Variants in SEPTIN9 observed in about 807,000 individuals in gnomAD.
SEPTIN9 encodes the protein septin-9.
In SEPTIN9, 13 loss-of-function variants were observed where a neutral mutation model predicts 56.6. That is an observed-to-expected ratio of 0.23 (90% CI 0.15 to 0.37). The LOEUF is 0.37. Ranked by LOEUF, SEPTIN9 falls within the 10% of genes least tolerant of loss-of-function variation. The pLI is 1.00. For missense variants in SEPTIN9, 650 were observed against 823.1 expected (o/e 0.79, Z 2.57); for synonymous variants, 332 against 334.1 (o/e 0.99, Z 0.07).
chr17:77,338,178 C>G (rs1307452657), intron 2 of SEPTIN9, among the ~76,000 whole-genome samples: 1 of 151,590 alleles, frequency 6.6e-6, no homozygotes, highest in East Asian at 1.9e-4. Flanking sequence ...GACTGGGTGA[C>G]AGGGCGAGAC....
chr17:77,390,222 C>A (rs1253894607), intron 2 of SEPTIN9, among the ~76,000 whole-genome samples: 2 of 151,554 alleles, frequency 1.3e-5, no homozygotes, highest in Non-Finnish European at 2.9e-5. Context: ...AGGCAGGCGC[C>A]CGTAGTCCCA....
chr17:77,314,344 T>G (rs1479123038), intron 2 of SEPTIN9, among the ~76,000 whole-genome samples: 1 of 27,624 alleles, frequency 3.6e-5, no homozygotes, highest in Admixed American at 5.7e-4. Flanking sequence ...GCCTGGACTT[T>G]TTTTTTTTTT....
In SEPTIN9 at chr17:77,433,430, G is replaced by GT. The variant is rs1485768299; in HGVS notation, c.721+30728dup. ...GCCAACAGGGTCTGCTTAGGTGTCC[G>GT]TCCTGTTGGGGCAGCAGGGAAGGGA... On this transcript the variant is annotated intron_variant, in intron 3 of 11. Coordinates refer to ENST00000427177, the MANE Select transcript of SEPTIN9 (RefSeq NM_001113491.2). This position sits in a 1 kb window ranked among gnomAD's most constrained non-coding sequence, Gnocchi z 6.4. Among the ~76,000 whole-genome samples the GT allele has an allele frequency of 6.6e-6, 1 of 152,066 alleles. No homozygotes were observed. Among genetic ancestry groups the GT allele is most frequent in the Non-Finnish European group, 1.5e-5 (1 of 68,000 alleles).
At chr17:77,417,926 G>A (rs73375333) in intron 3 of SEPTIN9, among the ~76,000 whole-genome samples, 20 of 152,200 alleles carry the variant, frequency 1.3e-4, no homozygotes, top group Non-Finnish European at 2.2e-4. Flanking sequence ...GTCATGTGCC[G>A]TATCCGTGGG....
chr17:77,480,606 G>T (rs1009626055), intron 3 of SEPTIN9, among the ~76,000 whole-genome samples: 2 of 152,216 alleles, frequency 1.3e-5, no homozygotes, highest in East Asian at 1.9e-4. Flanking sequence ...CTGCTCACTT[G>T]CCTGTCACGG....
intron 1 of SEPTIN9, among the ~76,000 whole-genome samples, chr17:77,304,881 C>G (rs188952260): frequency 6.6e-6 from 1 of 152,110 alleles, no homozygotes; most frequent in Non-Finnish European, 1.5e-5. Context: ...TCATGGCCAT[C>G]GTGGAAGTGA....
chr17:77,404,018 T>A (rs892961), intron 3 of SEPTIN9, among the ~76,000 whole-genome samples: 62,813 of 151,958 alleles, frequency 0.41, 13,532 homozygotes, highest in African/African-American at 0.51. Context: ...ACCTTGTGTG[T>A]GTGGAAAAAT....
Position 77,488,707 on chromosome 17 carries a change from C to G in SEPTIN9, c.1125-20C>G. The G allele has an allele frequency of 1.9e-6, 3 of 1,613,332 alleles. No homozygotes were observed. Among genetic ancestry groups the G allele is most frequent in the African/African-American group, 2.7e-5 (2 of 75,030 alleles). ...AGGGCATCTCATGTGCCTGCTGACT[C>G]GTCCCCATCCCCCACGCAGCTGGCA... On this transcript the variant is annotated intron_variant, in intron 6 of 11. Coordinates refer to ENST00000427177, the MANE Select transcript of SEPTIN9 (RefSeq NM_001113491.2).
At chr17:77,441,094 C>T (rs1226772401) in intron 3 of SEPTIN9, among the ~76,000 whole-genome samples, 5 of 152,144 alleles carry the variant, frequency 3.3e-5, no homozygotes, top group Admixed American at 2.6e-4. Context: ...GTGCTGGGCT[C>T]CTGGTTCTGG....
At position 77,405,334 on chromosome 17, in the gene SEPTIN9, CA is replaced by C. The variant is rs2036030039; in HGVS notation, c.721+2632del. On this transcript the variant is annotated intron_variant, in intron 3 of 11. Coordinates refer to ENST00000427177, the MANE Select transcript of SEPTIN9 (RefSeq NM_001113491.2). This position sits in a 1 kb window ranked among gnomAD's most constrained non-coding sequence, Gnocchi z 5.8. ...AGGAGTGTCCAGGGAGCTTCCCCAG[CA>C]GTGGAAGTACAATTTCATCAGGCCA... Among the ~76,000 whole-genome samples the C allele has an allele frequency of 6.6e-6, 1 of 152,152 alleles. No homozygotes were observed. The highest frequency in any genetic ancestry group is 2.1e-4 in the South Asian group (1 of 4,832).
chr17:77,475,359 A>G lies in SEPTIN9; in HGVS notation c.722-6785A>G. ...CCAGGATTCAGCAGGGATCTGAAGG[A>G]CTTTGCAGGCACCCAGGGAGATAGG... On this transcript the variant is annotated intron_variant, in intron 3 of 11. Coordinates refer to ENST00000427177, the MANE Select transcript of SEPTIN9 (RefSeq NM_001113491.2). This position sits in a 1 kb window ranked among gnomAD's most constrained non-coding sequence, Gnocchi z 4.6. 3 of 1,436,242 alleles carry G rather than the reference A, an allele frequency of 2.1e-6. No homozygotes were observed. Among genetic ancestry groups the G allele is most frequent in the Non-Finnish European group, 2.7e-6 (3 of 1,101,118 alleles). 89.0% of individuals were successfully genotyped at this position (1,436,242 alleles called of 1,614,324 possible). A position where few individuals can be genotyped will look rare whatever the true frequency, so the allele number is the denominator to read the frequency against.
chr17:77,442,557 AG>A (rs1262684885), intron 3 of SEPTIN9, among the ~76,000 whole-genome samples: 2 of 149,158 alleles, frequency 1.3e-5, no homozygotes, highest in African/African-American at 4.9e-5. Flanking sequence ...CTATCTTAAT[AG>A]GAAAAAAGGA....
At chr17:77,324,402 T>A (rs2033055311) in intron 2 of SEPTIN9, among the ~76,000 whole-genome samples, 1 of 152,100 alleles carries the variant, frequency 6.6e-6, no homozygotes, top group Admixed American at 6.5e-5. Flanking sequence ...CTCTGGCCCT[T>A]TGGGGTGGCC....
At chr17:77,340,134 T>C (rs950334530) in intron 2 of SEPTIN9, among the ~76,000 whole-genome samples, 1 of 150,618 alleles carries the variant, frequency 6.6e-6, no homozygotes, top group Non-Finnish European at 1.5e-5. Context: ...TGGCCCTTTT[T>C]TGTTTTTTTG....
At chr17:77,466,812 G>GC (rs1376186870) in intron 3 of SEPTIN9, among the ~76,000 whole-genome samples, 1 of 152,194 alleles carries the variant, frequency 6.6e-6, no homozygotes, top group Admixed American at 6.5e-5. Flanking sequence ...GGAAGGCCTC[G>GC]CAGGAGAGGG....
At chr17:77,368,749 C>G (rs1386804116) in intron 2 of SEPTIN9, among the ~76,000 whole-genome samples, 1 of 152,116 alleles carries the variant, frequency 6.6e-6, no homozygotes, top group African/African-American at 2.4e-5. Flanking sequence ...TAAAAAATTA[C>G]TTATAAGTAA....
chr17:77,355,199 C>T (rs576519305), intron 2 of SEPTIN9, among the ~76,000 whole-genome samples: 5 of 152,250 alleles, frequency 3.3e-5, no homozygotes, highest in African/African-American at 4.8e-5. Context: ...GTTTTCATTC[C>T]GTGGCCCAGC....
intron 1 of SEPTIN9, among the ~76,000 whole-genome samples, chr17:77,299,686 G>A (rs575294481): frequency 6.6e-6 from 1 of 152,360 alleles, no homozygotes; most frequent in South Asian, 2.1e-4. Context: ...GTAAGCCTTT[G>A]CAGGGAGGCT....
chr17:77,382,995 C>T (rs1298097557), intron 2 of SEPTIN9, among the ~76,000 whole-genome samples: 1 of 152,112 alleles, frequency 6.6e-6, no homozygotes, highest in East Asian at 1.9e-4. Flanking sequence ...AACTCTTTCT[C>T]CAGCCCTGGC....
Sources: gnomAD v4.1 joint callset for allele counts (sites outside exome capture counted in the v4.1 genomes callset) on GRCh38, gnomAD v4.1.1 for gene constraint, Gnocchi (gnomAD v3.1) non-coding constraint, MANE v1.5 for transcripts, NCBI Gene and HGNC (gene_info 2026-07-23, HGNC 2026-07-21) for gene names.